Variants in PCDH15 observed in about 807,000 individuals in gnomAD.
PCDH15 encodes the protein protocadherin-15.
In PCDH15, 129 loss-of-function variants were observed where a neutral mutation model predicts 178.5. That is an observed-to-expected ratio of 0.72 (90% CI 0.63 to 0.84). The LOEUF is 0.84. Among genes scored for constraint, PCDH15 ranks in the 40% least tolerant of loss-of-function variants. The pLI, the probability that PCDH15 is intolerant of heterozygous loss-of-function variation, is 0.00. For synonymous variants in PCDH15, 800 were observed against 732.0 expected, an observed-to-expected ratio of 1.09 and a Z score of -1.50; for missense variants, 2,230 against 2,099.9, an observed-to-expected ratio of 1.06 and a Z score of -1.21.
At chr10:54,433,824 A>G (rs2075185591) in intron 3 of PCDH15, among the ~76,000 whole-genome samples, 1 of 152,166 alleles carries the variant, frequency 6.6e-6, no homozygotes, top group Non-Finnish European at 1.5e-5. Flanking sequence ...ATATACACCT[A>G]TTATGTACCC....
rs542479916 is a variant in PCDH15 at position 54,949,837 on chromosome 10, T to C, written c.-79-52337A>G. 1.2e-4 allele frequency among the ~76,000 whole-genome samples: 18 copies of C among 152,000 alleles called. No homozygotes were observed. In the East Asian group the frequency reaches 3.1e-3, roughly 26 times the overall value. ...TCTCTTTGCTAAAGCATAGGAAAAG[T>C]CCCCTTTATTCCAGTTCCCAACAAA... On this transcript the variant is annotated intron_variant, in intron 2 of 5. Transcript: ENST00000458638.
intron 2 of PCDH15, among the ~76,000 whole-genome samples, chr10:55,528,295 T>C (rs2132060021): frequency 6.6e-6 from 1 of 152,214 alleles, no homozygotes; most frequent in East Asian, 1.9e-4. Context: ...GTTACATATG[T>C]ATACATGTGC....
intron 2 of PCDH15, among the ~76,000 whole-genome samples, chr10:54,537,342 G>A (rs2084689899): frequency 6.6e-6 from 1 of 152,032 alleles, no homozygotes. Flanking sequence ...ATAGGATTGT[G>A]AGTCTAATAG....
intron 2 of PCDH15, among the ~76,000 whole-genome samples, chr10:55,417,288 A>T (rs1838506970): frequency 6.6e-6 from 1 of 151,790 alleles, no homozygotes; most frequent in South Asian, 2.1e-4. Context: ...TGCAGCTATA[A>T]ATAAAACTAA....
intron 8 of PCDH15, among the ~76,000 whole-genome samples, chr10:54,298,025 C>T (rs796874617): frequency 6.6e-6 from 1 of 152,260 alleles, no homozygotes; most frequent in African/African-American, 2.4e-5. Context: ...GGGACTTCAA[C>T]TCAGATCCTG....
intron 5 of PCDH15, among the ~76,000 whole-genome samples, chr10:54,358,695 T>C (rs1945470066): frequency 6.6e-6 from 1 of 152,074 alleles, no homozygotes; most frequent in Admixed American, 6.5e-5. Flanking sequence ...CATGCTGCTG[T>C]AAAGACACAT....
chr10:55,292,661 T>G (rs1383666637), intron 1 of PCDH15, among the ~76,000 whole-genome samples: 3 of 152,108 alleles, frequency 2.0e-5, no homozygotes, highest in Non-Finnish European at 4.4e-5. Context: ...GGATTAGAGG[T>G]GTGAGCCACC....
At chr10:54,928,731 G>T (rs868392133) in intron 2 of PCDH15, among the ~76,000 whole-genome samples, 12 of 152,152 alleles carry the variant, frequency 7.9e-5, no homozygotes, top group Admixed American at 2.6e-4. Context: ...ACTAATATTT[G>T]TGATTGTATT....
intron 3 of PCDH15, among the ~76,000 whole-genome samples, chr10:54,506,197 C>T (rs1445159332): frequency 1.3e-5 from 2 of 152,074 alleles, no homozygotes; most frequent in Middle Eastern, 3.4e-3. Flanking sequence ...ACATCTGAGC[C>T]ACTTGGAACT....
rs200395027 is a variant in PCDH15 at position 54,236,934 on chromosome 10, GA to G, written c.877-4del. On this transcript the variant is annotated splice_region_variant and splice_polypyrimidine_tract_variant and intron_variant, in intron 8 of 37. Coordinates refer to ENST00000644397, the MANE Select transcript of PCDH15 (RefSeq NM_001384140.1). ...ACAATAATGGGGTTCAGTTCTTCCTGAAAAAAAAATTAAGAGAGTTTCATTC... is the reference window on the plus strand; with the variant it reads ...ACAATAATGGGGTTCAGTTCTTCCTGAAAAAAAATTAAGAGAGTTTCATTC... 56 of 1,599,208 alleles carry G rather than the reference GA, an allele frequency of 3.5e-5. No homozygotes were observed. The highest frequency in any genetic ancestry group is 1.7e-4 in the Middle Eastern group (1 of 6,026).
At chr10:55,043,409 G>A (rs1416920566) in intron 2 of PCDH15, among the ~76,000 whole-genome samples, 2 of 151,808 alleles carry the variant, frequency 1.3e-5, no homozygotes, top group African/African-American at 4.8e-5. Flanking sequence ...TAAAAAAACA[G>A]GAAAAACAAA....
intron 5 of PCDH15, among the ~76,000 whole-genome samples, chr10:54,355,075 A>C (rs1345962420): frequency 1.3e-5 from 2 of 148,298 alleles, no homozygotes; most frequent in Non-Finnish European, 3.0e-5. Flanking sequence ...TTGGTTTTCA[A>C]ATCTGTCACT....
chr10:55,067,235 C>T (rs1026652052), intron 2 of PCDH15, among the ~76,000 whole-genome samples: 1 of 151,996 alleles, frequency 6.6e-6, no homozygotes, highest in Non-Finnish European at 1.5e-5. Context: ...CTCCCTTCAT[C>T]CCCACAACAC....
At chr10:54,363,285 C>G (rs1020785616) in intron 5 of PCDH15, among the ~76,000 whole-genome samples, 5 of 152,102 alleles carry the variant, frequency 3.3e-5, no homozygotes, top group Admixed American at 1.3e-4. Context: ...TAGTCTGTTA[C>G]AAGAGTCATA....
intron 14 of PCDH15, among the ~76,000 whole-genome samples, chr10:54,144,087 G>T (rs866023331): frequency 1.5e-3 from 230 of 152,022 alleles, no homozygotes; most frequent in African/African-American, 5.4e-3. Context: ...TGGAAGTTGG[G>T]GGGCTGAAGA....
At chr10:54,877,922 C>T (rs1012854765) in intron 3 of PCDH15, among the ~76,000 whole-genome samples, 3 of 120,246 alleles carry the variant, frequency 2.5e-5, no homozygotes, top group Non-Finnish European at 3.5e-5. Flanking sequence ...CTCTTATTCT[C>T]TTTCTCTCTC....
At chr10:54,901,947 T>C (rs777011680) in intron 2 of PCDH15, among the ~76,000 whole-genome samples, 1 of 151,116 alleles carries the variant, frequency 6.6e-6, no homozygotes, top group Non-Finnish European at 1.5e-5. Context: ...AGGTCTTCTA[T>C]ATATATATTT....
Position 53,940,092 on chromosome 10 carries a change from C to T in PCDH15, c.3232+774G>A, listed in dbSNP as rs537723448. ...GGCCTTTATAATTTCCTTGCAAACT[C>T]TTTTACATTCACTCATTTCTTTAAT... On this transcript the variant is annotated intron_variant, in intron 24 of 37. Coordinates refer to ENST00000644397, the MANE Select transcript of PCDH15 (RefSeq NM_001384140.1). 7.2e-5 allele frequency among the ~76,000 whole-genome samples: 11 copies of T among 152,156 alleles called. No homozygotes were observed. In the South Asian group the frequency reaches 2.3e-3, roughly 32 times the overall value.
At chr10:54,439,726 CA>C (rs139406215) in intron 3 of PCDH15, among the ~76,000 whole-genome samples, 2 of 151,682 alleles carry the variant, frequency 1.3e-5, no homozygotes, top group African/African-American at 4.8e-5. Flanking sequence ...TTTTGCCCAG[CA>C]AAAAACCCAT....
Sources: gnomAD v4.1 joint callset for allele counts (sites outside exome capture counted in the v4.1 genomes callset) on GRCh38, gnomAD v4.1.1 for gene constraint, MANE v1.5 for transcripts, NCBI Gene and HGNC (gene_info 2026-07-23, HGNC 2026-07-21) for gene names.